The following LHFPL1 variants were observed in gnomAD, a reference collection of about 807,000 sequenced individuals.
LHFPL1 encodes LHFPL tetraspan subfamily member 1, also known as LHFPL tetraspan subfamily member 1 protein.
A neutral mutation model predicts 12.1 loss-of-function variants in LHFPL1; 4 were observed. That is an observed-to-expected ratio of 0.33 (90% CI 0.16 to 0.76). LHFPL1 has a LOEUF of 0.76. Among genes scored for constraint, LHFPL1 ranks in the 30% least tolerant of loss-of-function variants. The probability of loss-of-function intolerance (pLI) is 0.61; values close to 1 mark genes in which losing one functional copy is unlikely to be tolerated. For missense variants in LHFPL1, 141 were observed against 174.1 expected, an observed-to-expected ratio of 0.81 and a Z score of 1.07; for synonymous variants, 52 against 61.9, an observed-to-expected ratio of 0.84 and a Z score of 0.75.
intron 3 of LHFPL1, among the ~76,000 whole-genome samples, chrX:112,635,574 A>G (rs1394488308): frequency 8.9e-6 from 1 of 112,707 alleles, no homozygotes; most frequent in African/African-American, 3.2e-5. Context: ...AGAGAATCCT[A>G]AAAGCCCCTT....
chrX:112,677,881 TC>T (rs1931696643), intron 1 of LHFPL1, among the ~76,000 whole-genome samples: 1 of 111,067 alleles, frequency 9.0e-6, no homozygotes, highest in Non-Finnish European at 1.9e-5. Flanking sequence ...TCCTCAGATT[TC>T]ATGTTTGCTG....
intron 3 of LHFPL1, among the ~76,000 whole-genome samples, chrX:112,644,469 G>GTGTGTT (rs1556055475): frequency 9.0e-6 from 1 of 111,084 alleles, no homozygotes; most frequent in African/African-American, 3.3e-5. Flanking sequence ...GTGTGTGTGT[G>GTGTGTT]TGTGTGTGTG....
At chrX:112,645,812 A>C (rs1930668328) in intron 3 of LHFPL1, among the ~76,000 whole-genome samples, 1 of 112,104 alleles carries the variant, frequency 8.9e-6, no homozygotes, top group African/African-American at 3.2e-5. Context: ...TCATTTATTT[A>C]ATAAAATTAA....
At chrX:112,670,231 C>T (rs145670922) in intron 2 of LHFPL1, among the ~76,000 whole-genome samples, 2,408 of 112,848 alleles carry the variant, frequency 0.021, 75 homozygotes, top group African/African-American at 0.073. Flanking sequence ...CAAATATTCA[C>T]ATATATGTTT....
intron 1 of LHFPL1, 85 bp from the exon 2 acceptor site, chrX:112,671,489 G>A: frequency 8.4e-7 from 1 of 1,193,589 alleles, no homozygotes; most frequent in Non-Finnish European, 1.1e-6. Flanking sequence ...TTTTCATCTG[G>A]TTGGCCAGTC....
At chrX:112,658,102 G>GAAA (rs1931066027) in intron 3 of LHFPL1, among the ~76,000 whole-genome samples, 1 of 110,843 alleles carries the variant, frequency 9.0e-6, no homozygotes. Context: ...CAACAACGAG[G>GAAA]ACAACAACAG....
Position 112,678,826 on chromosome X carries a change from G to C in LHFPL1, c.-15+1003C>G, listed in dbSNP as rs1000648419. 3.6e-5 allele frequency among the ~76,000 whole-genome samples: 4 copies of C among 111,862 alleles called. 1 individual carries two copies. In the South Asian group the frequency reaches 1.5e-3, roughly 42 times the overall value. On this transcript the variant is annotated intron_variant, in intron 1 of 3. Transcript: ENST00000371968. ...ATTCTAATGGGAACTAATGATTGAG[G>C]AATACTGTTTTAGTGGAAAAGTCAC...
At chrX:112,676,380 G>A (rs773571883) in intron 1 of LHFPL1, among the ~76,000 whole-genome samples, 3 of 111,713 alleles carry the variant, frequency 2.7e-5, no homozygotes, top group Non-Finnish European at 5.6e-5. Flanking sequence ...TGCTCTTGTA[G>A]AGTGGTCAAG....
intron 2 of LHFPL1, 39 bp from the exon 3 acceptor site, chrX:112,660,764 C>T (rs778553594): frequency 7.4e-6 from 7 of 940,557 alleles, no homozygotes; most frequent in Admixed American, 6.8e-5. Flanking sequence ...AAAAATATAA[C>T]GTCTTCTGTC....
At chrX:112,663,825 T>C (rs972335939) in intron 2 of LHFPL1, among the ~76,000 whole-genome samples, 2 of 111,999 alleles carry the variant, frequency 1.8e-5, no homozygotes, top group Admixed American at 9.4e-5. Context: ...GGTTCTGTAG[T>C]CAGACTGCAG....
chrX:112,639,096 C>A (rs1012302762), intron 3 of LHFPL1, among the ~76,000 whole-genome samples: 4 of 111,907 alleles, frequency 3.6e-5, no homozygotes, highest in Non-Finnish European at 5.6e-5. Context: ...GTTCAGCAAA[C>A]ACAGATGAAT....
intron 2 of LHFPL1, among the ~76,000 whole-genome samples, chrX:112,664,373 C>T (rs767089707): frequency 7.1e-5 from 8 of 112,069 alleles, no homozygotes; most frequent in Non-Finnish European, 1.5e-4. Context: ...GTTCTCCATG[C>T]TAATTTCTTC....
chrX:112,656,707 C>T (rs1053964174), intron 3 of LHFPL1, among the ~76,000 whole-genome samples: 3 of 112,587 alleles, frequency 2.7e-5, no homozygotes, highest in African/African-American at 9.7e-5. Flanking sequence ...ATCATTTGTA[C>T]ATATACTCCT....
intron 2 of LHFPL1, among the ~76,000 whole-genome samples, chrX:112,663,344 G>A: frequency 9.0e-6 from 1 of 111,567 alleles, no homozygotes; most frequent in East Asian, 2.8e-4. Flanking sequence ...TCAATTCTGT[G>A]TCCTTGGCAC....
At chrX:112,637,145 A>C (rs954116672) in intron 3 of LHFPL1, among the ~76,000 whole-genome samples, 1 of 112,329 alleles carries the variant, frequency 8.9e-6, no homozygotes, top group Non-Finnish European at 1.9e-5. Context: ...TTGCTGTGAC[A>C]GAATCTCTCA....
chrX:112,660,526 T>C (rs776512793), intron 3 of LHFPL1, 101 bp downstream of exon 3: 14 of 625,046 alleles, frequency 2.2e-5, no homozygotes, highest in Non-Finnish European at 3.4e-5. Flanking sequence ...GTGAGAGAGA[T>C]TCAGGCAAGT....
At chrX:112,669,266 C>A (rs779166039) in intron 2 of LHFPL1, among the ~76,000 whole-genome samples, 2 of 112,298 alleles carry the variant, frequency 1.8e-5, no homozygotes. Flanking sequence ...GTGTTCATAG[C>A]AGTGCTGAGT....
At chrX:112,641,627 T>C (rs999647261) in intron 3 of LHFPL1, among the ~76,000 whole-genome samples, 1 of 112,331 alleles carries the variant, frequency 8.9e-6, no homozygotes, top group African/African-American at 3.2e-5. Context: ...AGATGACACA[T>C]ACAAAGCACT....
At chrX:112,654,336 C>T (rs1930934997) in intron 3 of LHFPL1, among the ~76,000 whole-genome samples, 1 of 111,051 alleles carries the variant, frequency 9.0e-6, no homozygotes, top group African/African-American at 3.3e-5. Context: ...ACAACACAGA[C>T]AAAAATCTAT....
Sources: gnomAD v4.1 joint callset for allele counts (sites outside exome capture counted in the v4.1 genomes callset) on GRCh38, gnomAD v4.1.1 for gene constraint, MANE v1.5 for transcripts, NCBI Gene and HGNC (gene_info 2026-07-23, HGNC 2026-07-21) for gene names.